The following SMG6 variants were observed in gnomAD, a reference collection of about 807,000 sequenced individuals.
The protein encoded by SMG6 is SMG6 nonsense mediated mRNA decay factor.
In SMG6, 66 loss-of-function variants were observed where a neutral mutation model predicts 142.2. The observed-to-expected ratio is 0.46, with a 90% confidence interval of 0.38 to 0.57. SMG6 has a LOEUF of 0.57. Ranked by LOEUF, SMG6 falls within the 20% of genes least tolerant of loss-of-function variation. The pLI, the probability that SMG6 is intolerant of heterozygous loss-of-function variation, is 0.00. For synonymous variants in SMG6, 779 were observed against 702.4 expected, an observed-to-expected ratio of 1.11 and a Z score of -1.72; for missense variants, 1,793 against 1,832.0, an observed-to-expected ratio of 0.98 and a Z score of 0.39.
intron 10 of SMG6, among the ~76,000 whole-genome samples, chr17:2,221,262 G>C (rs985384624): frequency 2.0e-5 from 3 of 152,164 alleles, no homozygotes; most frequent in African/African-American, 7.2e-5. Flanking sequence ...GGTGGTTTCT[G>C]ATGGTTTAGC....
chr17:2,259,778 C>A (rs572879770), intron 8 of SMG6, among the ~76,000 whole-genome samples: 4 of 152,070 alleles, frequency 2.6e-5, no homozygotes, highest in Non-Finnish European at 5.9e-5. Context: ...AACCTCTCTA[C>A]CTACCTAACG....
intron 13 of SMG6, among the ~76,000 whole-genome samples, chr17:2,108,612 C>G (rs1050369516): frequency 6.6e-6 from 1 of 152,066 alleles, no homozygotes; most frequent in Non-Finnish European, 1.5e-5. Flanking sequence ...GCCTGGGCCA[C>G]AAAGCGAGAC....
chr17:2,218,753 G>C (rs949480732), intron 10 of SMG6, among the ~76,000 whole-genome samples: 2 of 152,166 alleles, frequency 1.3e-5, no homozygotes, highest in Non-Finnish European at 2.9e-5. Context: ...CTCACTCAGA[G>C]TGATGTATAA....
chr17:2,282,390 C>CAAAAAAAAAAAAA (rs576759563), intron 8 of SMG6, among the ~76,000 whole-genome samples: 3 of 84,524 alleles, frequency 3.5e-5, no homozygotes, highest in Middle Eastern at 8.3e-3. Context: ...CAAAAAGCAG[C>CAAAAAAAAAAAAA]AAAAAAAAAA....
chr17:2,255,563 G>T (rs1028202028), intron 8 of SMG6, among the ~76,000 whole-genome samples: 4 of 152,156 alleles, frequency 2.6e-5, no homozygotes, highest in Admixed American at 1.3e-4. Context: ...CGGGAGGGAG[G>T]TGGCGGGCGC....
chr17:2,207,498 A>G (rs1400337472), intron 10 of SMG6, among the ~76,000 whole-genome samples: 2 of 152,204 alleles, frequency 1.3e-5, no homozygotes, highest in Non-Finnish European at 2.9e-5. Flanking sequence ...CGATCCATCC[A>G]GAATGAGGAA....
At chr17:2,234,246 T>C (rs1007222496) in intron 10 of SMG6, among the ~76,000 whole-genome samples, 3 of 152,130 alleles carry the variant, frequency 2.0e-5, no homozygotes, top group African/African-American at 7.2e-5. Context: ...TCTTTTTTTT[T>C]TACTTTTAAT....
chr17:2,206,097 T>C (rs777358785), intron 10 of SMG6, among the ~76,000 whole-genome samples: 54 of 151,592 alleles, frequency 3.6e-4, no homozygotes, highest in Non-Finnish European at 6.5e-4. Context: ...GCGTGAGCAA[T>C]TGCACCCAGC....
intron 1 of SMG6, among the ~76,000 whole-genome samples, chr17:2,302,007 C>G (rs1162197218): frequency 6.6e-6 from 1 of 152,230 alleles, no homozygotes; most frequent in African/African-American, 2.4e-5. Context: ...AATCCCAGCA[C>G]TTTGGGAGGC....
intron 8 of SMG6, among the ~76,000 whole-genome samples, chr17:2,246,436 C>T (rs886997949): frequency 1.3e-5 from 2 of 152,186 alleles, no homozygotes; most frequent in East Asian, 3.8e-4. Context: ...TATGGCAGTT[C>T]CATCTATTTC....
chr17:2,089,708 C>A (rs1009758304), intron 13 of SMG6: 1 of 151,930 alleles, frequency 6.6e-6, no homozygotes, highest in Non-Finnish European at 1.5e-5. Context: ...TGTGGAGAGG[C>A]GATACCGGAG....
rs2068551071 is a variant in SMG6 at position 2,085,990 on chromosome 17, G to C, written c.3358-89C>G. 7 of 1,355,758 alleles carry C rather than the reference G, an allele frequency of 5.2e-6. No homozygotes were observed. In the Admixed American group the frequency reaches 1.2e-4, roughly 24 times the overall value. The allele number at this position is 1,355,758 out of a possible 1,614,324, so 84.0% of individuals were successfully genotyped here. A position where few individuals can be genotyped will look rare whatever the true frequency, so the allele number is the denominator to read the frequency against. The stretch of plus-strand genomic sequence containing the variant: ...TTGCTTGCCGGCTGAGGGGCACAGG[G>C]GAACTGTGTCAAAGCTACCAGGCAA... On this transcript the variant is annotated intron_variant, in intron 13 of 18. Transcript: ENST00000263073. The surrounding 1 kb of genome is among the most constrained non-coding windows in gnomAD (Gnocchi z 4.1).
At chr17:2,276,679 C>T (rs2074656822) in intron 8 of SMG6, among the ~76,000 whole-genome samples, 1 of 152,246 alleles carries the variant, frequency 6.6e-6, no homozygotes, top group Non-Finnish European at 1.5e-5. Flanking sequence ...AGCCACTGCA[C>T]CTGGCCTCTG....
intron 10 of SMG6, among the ~76,000 whole-genome samples, chr17:2,231,800 A>C (rs1003491023): frequency 6.6e-6 from 1 of 151,754 alleles, no homozygotes; most frequent in African/African-American, 2.4e-5. Context: ...AAAGCAGGCA[A>C]TACCAATAGC....
At chr17:2,080,031 C>T (rs780795796) in intron 15 of SMG6, among the ~76,000 whole-genome samples, 3 of 150,904 alleles carry the variant, frequency 2.0e-5, no homozygotes, top group Non-Finnish European at 2.9e-5. Context: ...GCTGAGATTG[C>T]GCCACTACAC....
chr17:2,073,152 C>T (rs1013469200), intron 15 of SMG6, among the ~76,000 whole-genome samples: 17 of 151,964 alleles, frequency 1.1e-4, no homozygotes, highest in Admixed American at 1.1e-3. Flanking sequence ...GGCGTGATCT[C>T]GGCTCACTGC....
intron 13 of SMG6, among the ~76,000 whole-genome samples, chr17:2,124,166 C>T (rs966034159): frequency 2.0e-5 from 3 of 152,208 alleles, no homozygotes; most frequent in Non-Finnish European, 4.4e-5. Context: ...ACTTCTGACA[C>T]CAGGACACCC....
At chr17:2,169,161 C>A (rs143620277) in intron 13 of SMG6, among the ~76,000 whole-genome samples, 1 of 151,734 alleles carries the variant, frequency 6.6e-6, no homozygotes, top group African/African-American at 2.4e-5. Context: ...CCCAGCTACT[C>A]GGGAGGCTGA....
rs181820195 is a variant in SMG6 at position 2,242,091 on chromosome 17, G to A, written c.2723+2567C>T. The stretch of plus-strand genomic sequence containing the variant: ...GCTCAAAATGTCGACAGCACCAAGG[G>A]TTGGGAAATCCTGACTTAGGGCAAC... On this transcript the variant is annotated intron_variant, in intron 9 of 18. Transcript: ENST00000263073. Among the ~76,000 whole-genome samples, 726 of 152,236 alleles carry A rather than the reference G, an allele frequency of 4.8e-3. 6 individuals carry two copies. The highest frequency in any genetic ancestry group is 8.2e-3 in the Non-Finnish European group (558 of 68,014).
Sources: gnomAD v4.1 joint callset for allele counts (sites outside exome capture counted in the v4.1 genomes callset) on GRCh38, gnomAD v4.1.1 for gene constraint, Gnocchi (gnomAD v3.1) non-coding constraint, MANE v1.5 for transcripts, NCBI Gene and HGNC (gene_info 2026-07-23, HGNC 2026-07-21) for gene names.